The following BCL2L13 variants were observed in gnomAD, a reference collection of about 807,000 sequenced individuals.
BCL2L13 encodes the protein BCL2 like 13.
BCL2L13 carries 13 observed loss-of-function variants against 25.8 expected under a neutral mutation model. The ratio of observed to expected loss-of-function variants is 0.50; its 90% confidence interval spans 0.33 to 0.80. The LOEUF is 0.80. Among genes scored for constraint, BCL2L13 ranks in the 30% least tolerant of loss-of-function variants. The probability of loss-of-function intolerance (pLI) is 0.02; values close to 1 mark genes in which losing one functional copy is unlikely to be tolerated. For missense variants in BCL2L13, 504 were observed against 574.9 expected, an observed-to-expected ratio of 0.88 and a Z score of 1.26; for synonymous variants, 244 against 230.3, an observed-to-expected ratio of 1.06 and a Z score of -0.54.
intron 2 of BCL2L13, among the ~76,000 whole-genome samples, chr22:17,676,511 C>T (rs142353825): frequency 4.7e-4 from 71 of 152,262 alleles, no homozygotes; most frequent in African/African-American, 1.7e-3. Flanking sequence ...GATTATTTTC[C>T]TTGCCCAAGT....
chr22:17,721,169 C>CAA lies in BCL2L13; in HGVS notation c.601-5497_601-5496dup, dbSNP rs113679105. ...TGGGGGACAGGGCGAGACTCCGTCT[C>CAA]AAAAAAAAAAAATATATATATATTT... On this transcript the variant is annotated intron_variant, in intron 6 of 6. Coordinates refer to ENST00000317582, the MANE Select transcript of BCL2L13 (RefSeq NM_015367.4). 3.0e-3 allele frequency among the ~76,000 whole-genome samples: 434 copies of CAA among 143,592 alleles called. 5 individuals carry two copies. The highest frequency in any genetic ancestry group is 0.01 in the African/African-American group (399 of 38,400). 94.2% of individuals were successfully genotyped at this position (143,592 alleles called of 152,430 possible). A position where few individuals can be genotyped will look rare whatever the true frequency, so the allele number is the denominator to read the frequency against.
At position 17,638,848 on chromosome 22, in the gene BCL2L13, C is replaced by T. The variant is rs1027064107; in HGVS notation, c.-89C>T. On this transcript the variant is annotated 5_prime_UTR_variant, in exon 1 of 7. Coordinates refer to ENST00000317582, the MANE Select transcript of BCL2L13 (RefSeq NM_015367.4). ...CCCTGTCGGAAGCAACTGCCGCCGC[C>T]GCCTCTTTCATCTCTTCTGGGGCAG... 9.7e-6 allele frequency: 12 copies of T among 1,232,116 alleles called. No homozygotes were observed. The highest frequency in any genetic ancestry group is 1.2e-5 in the Non-Finnish European group (12 of 988,334). 76.3% of individuals were successfully genotyped at this position (1,232,116 alleles called of 1,614,324 possible).
At chr22:17,691,224 A>C (rs149651649) in intron 4 of BCL2L13, among the ~76,000 whole-genome samples, 1 of 152,058 alleles carries the variant, frequency 6.6e-6, no homozygotes, top group Non-Finnish European at 1.5e-5. Context: ...CATATATTTT[A>C]TATTCTGAGG....
chr22:17,727,378 G>C lies in BCL2L13; in HGVS notation c.1302G>C (p.Val434=). Residue 434 remains valine (V), a synonymous_variant, in exon 7 of 7, where the codon GTG becomes GTC. Transcript: ENST00000317582. The part of the protein sequence containing the change: ...ELSPASEKKP[V]PPSEGKSRLS... ...CCCCTGCCAGCGAGAAGAAGCCCGT[G>C]CCGCCGTCTGAGGGCAAGTCTAGAC... 6.2e-7 allele frequency: 1 copy of C among 1,614,218 alleles called. No individual in the cohort carries two copies. The highest frequency in any genetic ancestry group is 2.2e-5 in the East Asian group (1 of 44,882).
intron 6 of BCL2L13, among the ~76,000 whole-genome samples, chr22:17,706,414 C>T (rs9618098): frequency 1.3e-5 from 2 of 151,762 alleles, no homozygotes; most frequent in African/African-American, 4.8e-5. Context: ...TTGTTTCTTG[C>T]CCCAGCTCTG....
At chr22:17,635,952 G>C (rs547410025), upstream of BCL2L13, among the ~76,000 whole-genome samples, 16 of 151,614 alleles carry the variant, frequency 1.1e-4, no homozygotes, top group Non-Finnish European at 2.4e-4. Context: ...CTCGTGATCC[G>C]TCCCCCTTGG....
intron 6 of BCL2L13, among the ~76,000 whole-genome samples, chr22:17,715,132 A>T (rs2060880152): frequency 6.6e-4 from 2 of 3,010 alleles, no homozygotes; most frequent in African/African-American, 1.3e-3. Flanking sequence ...TTATATATAT[A>T]TATATATATA....
chr22:17,724,541 G>A (rs532079361), intron 6 of BCL2L13, among the ~76,000 whole-genome samples: 1 of 152,302 alleles, frequency 6.6e-6, no homozygotes, highest in African/African-American at 2.4e-5. Context: ...AGAAAGTGGT[G>A]CAGTATGATG....
chr22:17,663,107 G>A (rs1453185453), intron 2 of BCL2L13, among the ~76,000 whole-genome samples: 1 of 152,170 alleles, frequency 6.6e-6, no homozygotes, highest in Non-Finnish European at 1.5e-5. Context: ...GTGGGCTCAA[G>A]TGATCTTCCT....
At position 17,693,368 on chromosome 22, in the gene BCL2L13, GTTTGTTTTTTTTT is replaced by G. The variant is rs1441501057; in HGVS notation, c.387-2769_387-2757del. ...TTATTTATTTATTTATTTATTTAGT[GTTTGTTTTTTTTT>G]TTTTTTTTTTTTTTTGGAGACGGAG... On this transcript the variant is annotated intron_variant, in intron 4 of 6. Transcript: ENST00000317582. Among the ~76,000 whole-genome samples, 1,080 of 112,180 alleles carry G rather than the reference GTTTGTTTTTTTTT, an allele frequency of 9.6e-3. 16 individuals are homozygous for G. The highest frequency in any genetic ancestry group is 0.034 in the African/African-American group (862 of 25,570). The allele number at this position is 112,180 out of a possible 152,430, so 73.6% of individuals were successfully genotyped here. A position where few individuals can be genotyped will look rare whatever the true frequency, so the allele number is the denominator to read the frequency against.
chr22:17,720,892 C>T (rs912756182), intron 6 of BCL2L13, among the ~76,000 whole-genome samples: 7 of 151,752 alleles, frequency 4.6e-5, no homozygotes, highest in African/African-American at 1.7e-4. Context: ...ACAGGCCGGG[C>T]GCGGTGGCTC....
intron 6 of BCL2L13, among the ~76,000 whole-genome samples, chr22:17,704,519 T>C (rs1267014849): frequency 1.3e-5 from 2 of 151,570 alleles, no homozygotes; most frequent in African/African-American, 2.4e-5. Flanking sequence ...CTTATGCCTA[T>C]AATCCCAGCA....
intron 2 of BCL2L13, among the ~76,000 whole-genome samples, chr22:17,663,572 A>T (rs577215145): frequency 4.0e-5 from 6 of 151,834 alleles, no homozygotes; most frequent in Non-Finnish European, 7.4e-5. Context: ...TGTGATTTTT[A>T]CTTTTCATTC....
chr22:17,721,036 G>T (rs1467845556), intron 6 of BCL2L13, among the ~76,000 whole-genome samples: 1 of 151,862 alleles, frequency 6.6e-6, no homozygotes, highest in Non-Finnish European at 1.5e-5. Flanking sequence ...GCATGGTGGC[G>T]GGCGCCTGTA....
rs1187408065 is a variant in BCL2L13 at position 17,721,596 on chromosome 22, C to T, written c.601-5081C>T. 2.1e-5 allele frequency among the ~76,000 whole-genome samples: 3 copies of T among 145,948 alleles called. No homozygotes were observed. In the East Asian group the frequency reaches 6.0e-4, roughly 29 times the overall value. The stretch of plus-strand genomic sequence containing the variant: ...CTGGAGTGCAGTGGTGCGATCTCAG[C>T]TTACTGCAACCTCTGCTCCCTGGGT... On this transcript the variant is annotated intron_variant, in intron 6 of 6. Coordinates refer to ENST00000317582, the MANE Select transcript of BCL2L13 (RefSeq NM_015367.4).
intron 1 of BCL2L13, among the ~76,000 whole-genome samples, chr22:17,642,365 G>T (rs2058323804): frequency 6.6e-6 from 1 of 151,256 alleles, no homozygotes; most frequent in African/African-American, 2.4e-5. Context: ...TGCCATGTTG[G>T]CTAGGCTGGT....
chr22:17,674,489 C>G (rs1211026342), intron 2 of BCL2L13, among the ~76,000 whole-genome samples: 1 of 151,776 alleles, frequency 6.6e-6, no homozygotes, highest in Admixed American at 6.6e-5. Flanking sequence ...GCCTGTAATC[C>G]CAGCTACTAG....
At chr22:17,635,909 CTG>C (rs1601435519), upstream of BCL2L13, among the ~76,000 whole-genome samples, 7 of 150,064 alleles carry the variant, frequency 4.7e-5, no homozygotes, top group East Asian at 1.5e-3. Flanking sequence ...CGGGGTTTCA[CTG>C]TGTTGGCCAG....
At chr22:17,690,352 C>A (rs575346218) in intron 4 of BCL2L13, among the ~76,000 whole-genome samples, 1 of 151,804 alleles carries the variant, frequency 6.6e-6, no homozygotes, top group East Asian at 1.9e-4. Flanking sequence ...TTTTTATTTT[C>A]CTGTAAGCAA....
Sources: allele counts gnomAD v4.1 joint callset (sites outside exome capture counted in the v4.1 genomes callset), GRCh38; gene constraint gnomAD v4.1.1; transcripts MANE v1.5; gene names NCBI Gene and HGNC (gene_info 2026-07-23, HGNC 2026-07-21).